Variants in SPMIP4 observed in about 807,000 individuals in gnomAD.
The protein encoded by SPMIP4 is sperm-associated microtubule inner protein 4.
the SPMIP4 span, among the ~76,000 whole-genome samples, chr7:25,162,931 C>T: frequency 3.3e-5 from 5 of 152,106 alleles, no homozygotes; most frequent in African/African-American, 9.7e-5. Flanking sequence ...GCCATCGTGC[C>T]CGGCTAATTT....
the SPMIP4 span, chr7:25,158,636 A>G: frequency 6.7e-6 from 6 of 890,776 alleles, no homozygotes; most frequent in African/African-American, 5.1e-5. Flanking sequence ...ATGGTGGCTC[A>G]TGCCTGTAAT....
At chr7:25,159,886 T>A in the SPMIP4 span, among the ~76,000 whole-genome samples, 5 of 152,062 alleles carry the variant, frequency 3.3e-5, no homozygotes, top group African/African-American at 2.4e-5. Flanking sequence ...CTATATATAA[T>A]ACATTAAGCT....
At chr7:25,165,492 G>A in the SPMIP4 span, among the ~76,000 whole-genome samples, 2 of 151,996 alleles carry the variant, frequency 1.3e-5, no homozygotes, top group African/African-American at 4.8e-5. Flanking sequence ...TCACTCTGTC[G>A]CCCAGGCTGG....
At chr7:25,172,996 T>C in the SPMIP4 span, among the ~76,000 whole-genome samples, 1 of 85,176 alleles carries the variant, frequency 1.2e-5, no homozygotes, top group Non-Finnish European at 2.4e-5. The surrounding 1 kb of genome is among the most constrained non-coding windows in gnomAD (Gnocchi z 4.2). Flanking sequence ...GGGTGAAGGG[T>C]TGGGGGAGGA....
chr7:25,137,929 A>G, the SPMIP4 span, among the ~76,000 whole-genome samples: 2 of 152,182 alleles, frequency 1.3e-5, no homozygotes, highest in African/African-American at 4.8e-5. Context: ...TTCTCCTTGA[A>G]GATTAGAAAA....
the SPMIP4 span, among the ~76,000 whole-genome samples, chr7:25,176,170 GT>G: frequency 2.0e-5 from 3 of 152,212 alleles, no homozygotes; most frequent in Non-Finnish European, 4.4e-5. This position sits in a 1 kb window ranked among gnomAD's most constrained non-coding sequence, Gnocchi z 4.4. Context: ...TTTCATGCCA[GT>G]TAAGGGTTTT....
the SPMIP4 span, among the ~76,000 whole-genome samples, chr7:25,145,844 G>A: frequency 3.3e-5 from 5 of 152,046 alleles, no homozygotes; most frequent in African/African-American, 1.2e-4. Context: ...AGAGTTCTGT[G>A]CTAGGCACCA....
At chr7:25,153,524 C>G in the SPMIP4 span, among the ~76,000 whole-genome samples, 2 of 150,152 alleles carry the variant, frequency 1.3e-5, no homozygotes, top group Non-Finnish European at 2.9e-5. Context: ...GAAAGTGCCA[C>G]TGCACTCTAG....
chr7:25,158,368 C>CAAAAAAAAAAAAAAAAAAAA, the SPMIP4 span: 2 of 273,738 alleles, frequency 7.3e-6, no homozygotes, highest in African/African-American at 4.2e-5. Flanking sequence ...GACTCTGTCT[C>CAAAAAAAAAAAAAAAAAAAA]AAAAAAAAAA....
At chr7:25,149,587 A>G in the SPMIP4 span, among the ~76,000 whole-genome samples, 10 of 152,332 alleles carry the variant, frequency 6.6e-5, no homozygotes, top group African/African-American at 1.9e-4. Flanking sequence ...ATTTATGTAC[A>G]ATGCACTGTG....
chr7:25,139,705 G>A, the SPMIP4 span, among the ~76,000 whole-genome samples: 3 of 152,130 alleles, frequency 2.0e-5, no homozygotes, highest in Admixed American at 2.0e-4. Context: ...GCTCTTTGAC[G>A]TGCTTTGTTA....
chr7:25,152,391 T>A, the SPMIP4 span, among the ~76,000 whole-genome samples: 1 of 152,220 alleles, frequency 6.6e-6, no homozygotes, highest in Non-Finnish European at 1.5e-5. Flanking sequence ...AGTTAAAGAA[T>A]GTTCTGAACA....
chr7:25,153,103 C>T, the SPMIP4 span, among the ~76,000 whole-genome samples: 1 of 152,068 alleles, frequency 6.6e-6, no homozygotes, highest in African/African-American at 2.4e-5. Flanking sequence ...AAACCTAATG[C>T]TGTACTAGTT....
chr7:25,136,892 A>C, the SPMIP4 span: 1 of 1,156,262 alleles, frequency 8.6e-7, no homozygotes. The surrounding 1 kb of genome is among the most constrained non-coding windows in gnomAD (Gnocchi z 5.7). Context: ...TGAGTACACG[A>C]GATGGGCATA....
At chr7:25,148,568 G>A in the SPMIP4 span, among the ~76,000 whole-genome samples, 1 of 145,088 alleles carries the variant, frequency 6.9e-6, no homozygotes, top group African/African-American at 2.6e-5. Context: ...TCTGCCTCCC[G>A]AGTTCATGCG....
chr7:25,161,074 G>C, the SPMIP4 span: 1 of 588,436 alleles, frequency 1.7e-6, no homozygotes. Flanking sequence ...TTTTAAAAAA[G>C]AAATAATTTG....
At chr7:25,130,509 T>TC in the SPMIP4 span, among the ~76,000 whole-genome samples, 2 of 151,994 alleles carry the variant, frequency 1.3e-5, no homozygotes, top group Non-Finnish European at 2.9e-5. Context: ...AAACAGGGTT[T>TC]CACCATGTTA....
chr7:25,168,886 C>T, the SPMIP4 span, among the ~76,000 whole-genome samples: 713 of 151,814 alleles, frequency 4.7e-3, 2 homozygotes, highest in Middle Eastern at 0.021. Context: ...CCATCACACC[C>T]GGGTAATTTT....
the SPMIP4 span, among the ~76,000 whole-genome samples, chr7:25,126,423 C>T: frequency 2.0e-5 from 3 of 151,838 alleles, no homozygotes; most frequent in East Asian, 5.8e-4. Context: ...GTGATTCACC[C>T]GCATCGGCCT....
Sources: gnomAD v4.1 joint callset for allele counts (sites outside exome capture counted in the v4.1 genomes callset) on GRCh38, gnomAD v4.1.1 for gene constraint, Gnocchi (gnomAD v3.1) non-coding constraint, MANE v1.5 for transcripts, NCBI Gene and HGNC (gene_info 2026-07-23, HGNC 2026-07-21) for gene names.